NEBL: variants seen among roughly 807,000 people sequenced by gnomAD.
NEBL encodes the protein LIM and SH3 protein 2.
In NEBL, 122 loss-of-function variants were observed where a neutral mutation model predicts 140.2. The ratio of observed to expected loss-of-function variants is 0.87; its 90% CI spans 0.75 to 1.01. The LOEUF (loss-of-function observed/expected upper bound fraction) is 1.01, where lower values mean the gene tolerates loss of function less well. Among genes scored for constraint, NEBL ranks in the 50% least tolerant of loss-of-function variants. NEBL has a pLI of 0.00. For missense variants in NEBL, 1,365 were observed against 1,231.3 expected (o/e 1.11, Z -1.62); for synonymous variants, 436 against 398.9 (o/e 1.09, Z -1.11).
chr10:21,001,900 G>T (rs145775005), intron 3 of NEBL, among the ~76,000 whole-genome samples: 11 of 152,184 alleles, frequency 7.2e-5, no homozygotes, highest in Admixed American at 6.5e-4. Flanking sequence ...AGCAAAACTG[G>T]TCTCTGTTTT....
intron 3 of NEBL, among the ~76,000 whole-genome samples, chr10:21,238,067 A>G (rs143366272): frequency 6.6e-6 from 1 of 152,322 alleles, no homozygotes; most frequent in East Asian, 1.9e-4. Context: ...AGCTCTTAAT[A>G]AATATGTTCA....
intron 3 of NEBL, among the ~76,000 whole-genome samples, chr10:21,210,549 G>A (rs1045579850): frequency 2.0e-5 from 3 of 152,154 alleles, no homozygotes; most frequent in Non-Finnish European, 4.4e-5. Context: ...TTTTTAAGGA[G>A]GAATATGTAT....
intron 3 of NEBL, among the ~76,000 whole-genome samples, chr10:21,243,115 C>T (rs568506839): frequency 6.6e-6 from 1 of 152,234 alleles, no homozygotes; most frequent in Admixed American, 6.5e-5. Context: ...TCTGATGAGT[C>T]TCCACTTAGA....
chr10:20,839,404 G>A (rs1841197158), intron 13 of NEBL, among the ~76,000 whole-genome samples: 1 of 152,144 alleles, frequency 6.6e-6, no homozygotes, highest in African/African-American at 2.4e-5. Flanking sequence ...AGGGGCACGT[G>A]TTGTTTATGG....
chr10:21,219,547 T>C (rs1002714452), intron 3 of NEBL, among the ~76,000 whole-genome samples: 1 of 152,234 alleles, frequency 6.6e-6, no homozygotes, highest in Non-Finnish European at 1.5e-5. Context: ...AGTAGTGTGA[T>C]GCCTGTAGCC....
At chr10:21,210,885 C>A (rs1841904571) in intron 3 of NEBL, among the ~76,000 whole-genome samples, 1 of 152,178 alleles carries the variant, frequency 6.6e-6, no homozygotes, top group Non-Finnish European at 1.5e-5. Flanking sequence ...CTTTAAAAAA[C>A]CTGTAGCTTT....
intron 2 of NEBL, among the ~76,000 whole-genome samples, chr10:21,026,949 G>A (rs1833523864): frequency 6.6e-6 from 1 of 152,128 alleles, no homozygotes; most frequent in Non-Finnish European, 1.5e-5. Context: ...GGCCACCCAT[G>A]GGCACTAAGT....
chr10:20,939,017 G>C (rs1028089052), intron 4 of NEBL, among the ~76,000 whole-genome samples: 8 of 152,160 alleles, frequency 5.3e-5, no homozygotes, highest in African/African-American at 1.7e-4. Flanking sequence ...ACACTCTGCA[G>C]GATATTATCC....
chr10:21,262,913 C>G (rs988680522), intron 1 of NEBL, among the ~76,000 whole-genome samples: 1 of 152,172 alleles, frequency 6.6e-6, no homozygotes, highest in African/African-American at 2.4e-5. Flanking sequence ...GGAGATTATA[C>G]AAACGCAATA....
At position 20,781,841 on chromosome 10, in the gene NEBL, A is replaced by G. The variant is rs2131600993; in HGVS notation, c.*3906T>C. The G allele has an allele frequency of 6.5e-6, 1 of 152,736 alleles. No individual in the cohort carries two copies. Among genetic ancestry groups the G allele is most frequent in the East Asian group, 1.9e-4 (1 of 5,192 alleles). The allele number at this position is 152,736 out of a possible 1,614,324, so 9.5% of individuals were successfully genotyped here. On this transcript the variant is annotated 3_prime_UTR_variant, in exon 28 of 28. Transcript: ENST00000377122. ...TCCTTGTCAGTTTACATAGCTTCTT[A>G]CTTAACTAAAAGCTCTCCCACCTCC...
At position 20,781,981 on chromosome 10, in the gene NEBL, T is replaced by C. The variant is rs1336088073; in HGVS notation, c.*3766A>G. The stretch of plus-strand genomic sequence containing the variant: ...TTCATCTTGTGTAGTGAATCCAGCC[T>C]CACAATTATTCTATCTTACAATAGG... On this transcript the variant is annotated 3_prime_UTR_variant, in exon 28 of 28. Coordinates refer to ENST00000377122, the MANE Select transcript of NEBL (RefSeq NM_006393.3). The C allele has an allele frequency of 6.6e-5, 10 of 152,576 alleles. No individual in the cohort carries two copies. The highest frequency in any genetic ancestry group is 5.9e-4 in the Admixed American group (9 of 15,268). The allele number at this position is 152,576 out of a possible 1,614,324, so 9.5% of individuals were successfully genotyped here.
chr10:21,131,391 C>T (rs1486987482), intron 2 of NEBL, among the ~76,000 whole-genome samples: 3 of 152,114 alleles, frequency 2.0e-5, no homozygotes, highest in East Asian at 1.9e-4. Context: ...CTCATTCTTA[C>T]GACACCCTCA....
intron 2 of NEBL, among the ~76,000 whole-genome samples, chr10:21,161,809 A>G (rs976168999): frequency 1.3e-5 from 2 of 152,156 alleles, no homozygotes; most frequent in Non-Finnish European, 2.9e-5. Flanking sequence ...CCTGTTGTAT[A>G]ATAAAGAATT....
chr10:21,100,449 G>A (rs1837429312), intron 2 of NEBL, among the ~76,000 whole-genome samples: 1 of 152,186 alleles, frequency 6.6e-6, no homozygotes, highest in Non-Finnish European at 1.5e-5. Context: ...ATGTTGCTAA[G>A]CAACACTTTT....
At chr10:20,999,962 G>A (rs368700843) in intron 3 of NEBL, among the ~76,000 whole-genome samples, 6 of 152,030 alleles carry the variant, frequency 3.9e-5, no homozygotes, top group South Asian at 2.1e-4. Flanking sequence ...TAATCAAGAC[G>A]ACGCCAGTAA....
chr10:21,128,811 A>G (rs1375818897), intron 2 of NEBL, among the ~76,000 whole-genome samples: 4 of 152,232 alleles, frequency 2.6e-5, no homozygotes, highest in Non-Finnish European at 5.9e-5. Flanking sequence ...ATTGAAAAAA[A>G]CCAGAAAAGA....
chr10:20,990,542 T>C (rs1412853274), intron 3 of NEBL, among the ~76,000 whole-genome samples: 1 of 152,208 alleles, frequency 6.6e-6, no homozygotes, highest in Non-Finnish European at 1.5e-5. Flanking sequence ...CCCCTTGATC[T>C]TGGACTTCTC....
At chr10:20,975,902 G>A (rs1052877682) in intron 3 of NEBL, among the ~76,000 whole-genome samples, 1 of 151,702 alleles carries the variant, frequency 6.6e-6, no homozygotes, top group Non-Finnish European at 1.5e-5. Flanking sequence ...CAAAAAGAAG[G>A]GGCTCTGAGA....
chr10:20,953,835 T>C (rs766134346), intron 4 of NEBL, among the ~76,000 whole-genome samples: 1 of 152,040 alleles, frequency 6.6e-6, no homozygotes, highest in Non-Finnish European at 1.5e-5. Context: ...ATATTTTACA[T>C]ATTATTACCT....
Sources: gnomAD v4.1 joint callset for allele counts (sites outside exome capture counted in the v4.1 genomes callset) on GRCh38, gnomAD v4.1.1 for gene constraint, MANE v1.5 for transcripts, NCBI Gene and HGNC (gene_info 2026-07-23, HGNC 2026-07-21) for gene names.